The following METTL8 variants were observed in gnomAD, a reference collection of about 807,000 sequenced individuals.
The protein encoded by METTL8 is methyltransferase 8, tRNA N3-cytidine, also known as tRNA N(3)-cytidine methyltransferase METTL8, mitochondrial.
In METTL8, 32 loss-of-function variants were observed where a neutral mutation model predicts 48.7. The observed-to-expected ratio is 0.66, with a 90% CI of 0.50 to 0.88. METTL8 has a LOEUF of 0.88. Among genes scored for constraint, METTL8 ranks in the 40% least tolerant of loss-of-function variants. METTL8 has a pLI of 0.00. For missense variants in METTL8, 464 were observed against 474.4 expected, an observed-to-expected ratio of 0.98 and a Z score of 0.20; for synonymous variants, 136 against 157.1, an observed-to-expected ratio of 0.87 and a Z score of 1.01.
At chr2:171,355,821 G>A (rs968377032) in intron 3 of METTL8, among the ~76,000 whole-genome samples, 11 of 152,316 alleles carry the variant, frequency 7.2e-5, no homozygotes, top group African/African-American at 1.4e-4. Flanking sequence ...TTGGAAAAGC[G>A]CAGTATTAGG....
chr2:171,322,749 A>G lies in METTL8; in HGVS notation c.*1423T>C, dbSNP rs1353234786. 1 of 150,732 alleles carries G rather than the reference A, an allele frequency of 6.6e-6. No homozygotes were observed. The highest frequency in any genetic ancestry group is 1.5e-5 in the Non-Finnish European group (1 of 67,730). 9.3% of individuals were successfully genotyped at this position (150,732 alleles called of 1,614,324 possible). On this transcript the variant is annotated 3_prime_UTR_variant, in exon 10 of 10. Transcript: ENST00000375258. ...CCAGAGCAAGACTCCATCTCAAAAA[A>G]AAAAAAAAAAAAAAAGTAAAACATA...
intron 2 of METTL8, among the ~76,000 whole-genome samples, chr2:171,389,514 CAAAAAAA>C (rs56087323): frequency 7.7e-5 from 4 of 52,028 alleles, no homozygotes; most frequent in Admixed American, 2.9e-4. Context: ...CCCTGTCTCA[CAAAAAAA>C]AAAAAAAAAA....
intron 2 of METTL8, among the ~76,000 whole-genome samples, chr2:171,391,548 G>T (rs1356282065): frequency 6.6e-6 from 1 of 152,168 alleles, no homozygotes; most frequent in African/African-American, 2.4e-5. Context: ...TGCCTTGTAG[G>T]GGTAATTATC....
intron 1 of METTL8, among the ~76,000 whole-genome samples, chr2:171,417,743 A>G (rs1251982115): frequency 2.0e-5 from 3 of 152,246 alleles, no homozygotes; most frequent in African/African-American, 7.2e-5. Flanking sequence ...AAAATGTTAC[A>G]GATAGTACAG....
At chr2:171,333,111 T>C (rs548151644) in intron 5 of METTL8, among the ~76,000 whole-genome samples, 6 of 151,976 alleles carry the variant, frequency 3.9e-5, no homozygotes, top group South Asian at 2.1e-4. Flanking sequence ...TTTTTTTTTT[T>C]TGAGACCCCA....
chr2:171,344,482 A>G (rs952885737), intron 3 of METTL8, among the ~76,000 whole-genome samples: 13 of 152,210 alleles, frequency 8.5e-5, no homozygotes, highest in African/African-American at 3.1e-4. Context: ...TGAAATTAAA[A>G]CCTCAGTGTG....
At chr2:171,356,408 G>C (rs1020559059) in intron 3 of METTL8, among the ~76,000 whole-genome samples, 2 of 152,102 alleles carry the variant, frequency 1.3e-5, no homozygotes, top group African/African-American at 4.8e-5. Context: ...CAAAGTGCTG[G>C]GATTATAGGC....
Position 171,356,952 on chromosome 2 carries a change from A to ATAT in METTL8, c.235+3469_235+3470insATA. ...CAAATTAGCCTTGTTCAAAGACAAT[A>ATAT]TTTTTTTTTTTTTTTTTGAGACAGG... On this transcript the variant is annotated intron_variant, in intron 3 of 9. Coordinates refer to ENST00000375258, the MANE Select transcript of METTL8 (RefSeq NM_001321154.2). Among the ~76,000 whole-genome samples, 55 of 78,490 alleles carry ATAT rather than the reference A, an allele frequency of 7.0e-4. 7 individuals carry two copies. The highest frequency in any genetic ancestry group is 2.1e-3 in the African/African-American group (48 of 22,478). 51.5% of individuals were successfully genotyped at this position (78,490 alleles called of 152,430 possible).
rs1684595306 is a variant in METTL8 at position 171,322,774 on chromosome 2, A to T, written c.*1398T>A. The T allele has an allele frequency of 6.6e-6, 1 of 151,832 alleles. No homozygotes were observed. The highest frequency in any genetic ancestry group is 1.5e-5 in the Non-Finnish European group (1 of 68,072). The allele number at this position is 151,832 out of a possible 1,614,324, so 9.4% of individuals were successfully genotyped here. ...AAAAAAAAAAAAAAAAGTAAAACAT[A>T]AAGAATGGCTACTCCATAGGCAGAG... is the stretch of plus-strand genomic sequence containing the variant. On this transcript the variant is annotated 3_prime_UTR_variant, in exon 10 of 10. Coordinates refer to ENST00000375258, the MANE Select transcript of METTL8 (RefSeq NM_001321154.2).
chr2:171,355,029 G>A (rs1421471110), intron 3 of METTL8, among the ~76,000 whole-genome samples: 1 of 152,218 alleles, frequency 6.6e-6, no homozygotes, highest in African/African-American at 2.4e-5. Flanking sequence ...CGTTCCTTTG[G>A]AGGAGAAGAG....
intron 7 of METTL8, chr2:171,326,984 C>G (rs1685030171): frequency 6.6e-6 from 1 of 152,216 alleles, no homozygotes; most frequent in Admixed American, 6.5e-5. Context: ...TCTCCTACTA[C>G]TGACCCCAAT....
At chr2:171,424,815 G>C (rs1032144822) in intron 1 of METTL8, among the ~76,000 whole-genome samples, 1 of 152,194 alleles carries the variant, frequency 6.6e-6, no homozygotes, top group Non-Finnish European at 1.5e-5. Flanking sequence ...CAGTTGGAAG[G>C]ACATGATTGT....
At chr2:171,394,805 G>A (rs745470811) in intron 1 of METTL8, among the ~76,000 whole-genome samples, 1 of 152,296 alleles carries the variant, frequency 6.6e-6, no homozygotes, top group Middle Eastern at 3.4e-3. Context: ...TGAATTGTTT[G>A]ACTGATTACA....
chr2:171,431,686 G>A (rs532827018), intron 1 of METTL8, among the ~76,000 whole-genome samples: 14 of 152,348 alleles, frequency 9.2e-5, no homozygotes, highest in Admixed American at 3.3e-4. Context: ...TGCCCCACCA[G>A]CAGCGCCTGG....
chr2:171,332,474 G>T (rs569133119), intron 5 of METTL8: 2 of 152,648 alleles, frequency 1.3e-5, no homozygotes, highest in Non-Finnish European at 2.9e-5. Context: ...TTTTTAATTG[G>T]ACTCTTCTTA....
intron 1 of METTL8, among the ~76,000 whole-genome samples, chr2:171,432,133 C>T (rs1574278900): frequency 6.6e-6 from 1 of 152,150 alleles, no homozygotes; most frequent in Non-Finnish European, 1.5e-5. Context: ...GCCCAGTGGG[C>T]CAGTTGTGCA....
chr2:171,376,596 T>A (rs1686992570), intron 2 of METTL8, among the ~76,000 whole-genome samples: 1 of 152,094 alleles, frequency 6.6e-6, no homozygotes, highest in Non-Finnish European at 1.5e-5. Flanking sequence ...ATCCCTTTTA[T>A]AAAGGTTGCA....
chr2:171,316,639 T>C lies in METTL8; in HGVS notation c.*7533A>G, dbSNP rs932237128. On this transcript the variant is annotated 3_prime_UTR_variant, in exon 10 of 10. Transcript: ENST00000375258. The stretch of plus-strand genomic sequence containing the variant: ...GATAGATCTTCCTTGCTTTTTGGGA[T>C]CCTGAATTTCATCTTTCATTTGGAT... Among the ~76,000 whole-genome samples the C allele has an allele frequency of 6.6e-6, 1 of 152,170 alleles. No homozygotes were observed. Among genetic ancestry groups the C allele is most frequent in the Non-Finnish European group, 1.5e-5 (1 of 68,026 alleles).
chr2:171,395,652 A>G (rs1688992390), intron 1 of METTL8, among the ~76,000 whole-genome samples: 1 of 152,234 alleles, frequency 6.6e-6, no homozygotes, highest in Non-Finnish European at 1.5e-5. Context: ...AGCAGTCTTA[A>G]CTATGCATGT....
Sources: gnomAD v4.1 joint callset for allele counts (sites outside exome capture counted in the v4.1 genomes callset) on GRCh38, gnomAD v4.1.1 for gene constraint, MANE v1.5 for transcripts, NCBI Gene and HGNC (gene_info 2026-07-23, HGNC 2026-07-21) for gene names.